The following DROSHA variants were observed in gnomAD, a reference collection of about 807,000 sequenced individuals.
The protein encoded by DROSHA is ribonuclease 3.
A neutral mutation model predicts 181.9 loss-of-function variants in DROSHA; 56 were observed. That is an observed-to-expected ratio of 0.31 (90% CI 0.25 to 0.38). The LOEUF (loss-of-function observed/expected upper bound fraction) is 0.38, where lower values mean the gene tolerates loss of function less well. DROSHA is among the 10% of genes least tolerant of loss of function. The pLI, the probability that DROSHA is intolerant of heterozygous loss-of-function variation, is 1.00. For synonymous variants in DROSHA, 524 were observed against 591.2 expected, an observed-to-expected ratio of 0.89 and a Z score of 1.65; for missense variants, 1,218 against 1,743.5, an observed-to-expected ratio of 0.70 and a Z score of 5.37.
rs141362892 is a variant in DROSHA at position 31,486,335 on chromosome 5, G to C, written c.1914+156C>G. Among the ~76,000 whole-genome samples the C allele has an allele frequency of 6.6e-3, 1,012 of 152,302 alleles. 7 individuals are homozygous for C. Among genetic ancestry groups the C allele is most frequent in the Non-Finnish European group, 0.011 (716 of 68,018 alleles). On this transcript the variant is annotated intron_variant, in intron 14 of 35. Transcript: ENST00000344624. ...GGCCTGAATTTTAACCTTGATACTA[G>C]AGCTACATTTCACTGACTCTTTCAA...
rs186506672 is a variant in DROSHA, at chr5:31,463,068, A to G, written c.2574+1168T>C. On this transcript the variant is annotated intron_variant, in intron 20 of 35. Coordinates refer to ENST00000344624, the MANE Select transcript of DROSHA (RefSeq NM_001382508.1). The stretch of plus-strand genomic sequence containing the variant: ...ACATTGGTTTTGGGGAAACACTGAC[A>G]AACAGAAAAACCAGGTGATACGGCT... Among the ~76,000 whole-genome samples the G allele has an allele frequency of 3.1e-4, 47 of 152,262 alleles. 1 individual carries two copies. The East Asian group carries it at 9.1e-3, about 29-fold the overall frequency.
chr5:31,489,898 CGCG>C, intron 13 of DROSHA, among the ~76,000 whole-genome samples: 1 of 5,244 alleles, frequency 1.9e-4, no homozygotes, highest in Admixed American at 5.3e-3. Context: ...CTTTTTTTGA[CGCG>C]GAGTTTCGCT....
At chr5:31,531,405 T>A (rs1474791058) in intron 2 of DROSHA, 45 bp downstream of exon 2, 1 of 152,124 alleles carries the variant, frequency 6.6e-6, no homozygotes, top group African/African-American at 2.4e-5. Flanking sequence ...TCCGGCTGTG[T>A]TGTGGATGCA....
chr5:31,516,062 C>T (rs1407416635), intron 6 of DROSHA, among the ~76,000 whole-genome samples: 1 of 152,068 alleles, frequency 6.6e-6, no homozygotes. Context: ...TCCAGACCAG[C>T]CTGGGTAACA....
intron 11 of DROSHA, among the ~76,000 whole-genome samples, chr5:31,496,617 T>C (rs1753010089): frequency 6.6e-6 from 1 of 152,156 alleles, no homozygotes; most frequent in Non-Finnish European, 1.5e-5. Context: ...TGAGGTGTGC[T>C]ATTCTCCAAG....
chr5:31,515,434 C>T lies in DROSHA; in HGVS notation c.1058+20G>A, dbSNP rs1341321414. ...TGTTTAAAAATACAAATTCCCAGGC[C>T]CCACCCCAGATCTACTTACTGATTC... On this transcript the variant is annotated intron_variant, in intron 7 of 35. Coordinates refer to ENST00000344624, the MANE Select transcript of DROSHA (RefSeq NM_001382508.1). The T allele has an allele frequency of 8.5e-7, 1 of 1,174,102 alleles. No individual in the cohort carries two copies. Among genetic ancestry groups the T allele is most frequent in the East Asian group, 2.5e-5 (1 of 39,242 alleles). The allele number at this position is 1,174,102 out of a possible 1,614,324, so 72.7% of individuals were successfully genotyped here. A position where few individuals can be genotyped will look rare whatever the true frequency, so the allele number is the denominator to read the frequency against.
At chr5:31,454,434 C>A (rs1393280455) in intron 20 of DROSHA, among the ~76,000 whole-genome samples, 1 of 152,168 alleles carries the variant, frequency 6.6e-6, no homozygotes, top group Non-Finnish European at 1.5e-5. Flanking sequence ...CATATTATTT[C>A]TTTTATCACT....
chr5:31,474,125 G>A (rs982040410), intron 16 of DROSHA, among the ~76,000 whole-genome samples: 7 of 152,124 alleles, frequency 4.6e-5, no homozygotes, highest in Non-Finnish European at 7.4e-5. Flanking sequence ...TTTAATCAAA[G>A]TTCTAAAGAC....
intron 11 of DROSHA, among the ~76,000 whole-genome samples, chr5:31,501,782 A>C (rs1197103698): frequency 6.6e-6 from 1 of 152,202 alleles, no homozygotes; most frequent in Non-Finnish European, 1.5e-5. Flanking sequence ...TGGTTCACAG[A>C]CATTTATAGT....
chr5:31,459,731 T>TAATG, intron 20 of DROSHA, among the ~76,000 whole-genome samples: 1 of 152,216 alleles, frequency 6.6e-6, no homozygotes, highest in East Asian at 1.9e-4. Context: ...GATAGTTTGA[T>TAATG]AATGCATGGC....
chr5:31,422,113 GAA>G (rs1329808533), intron 29 of DROSHA, among the ~76,000 whole-genome samples: 8 of 146,588 alleles, frequency 5.5e-5, no homozygotes, highest in African/African-American at 2.0e-4. Context: ...AAGAAAGAAA[GAA>G]AAAGAAAAAG....
At chr5:31,469,606 C>T (rs538773530) in intron 17 of DROSHA, among the ~76,000 whole-genome samples, 3 of 152,238 alleles carry the variant, frequency 2.0e-5, no homozygotes, top group South Asian at 4.1e-4. Context: ...TTTTAGAATG[C>T]GAACTGTGGA....
intron 23 of DROSHA, among the ~76,000 whole-genome samples, chr5:31,442,199 T>G (rs185256577): frequency 6.6e-6 from 1 of 152,250 alleles, no homozygotes; most frequent in Non-Finnish European, 1.5e-5. Context: ...CTGCCATTTA[T>G]TAAATAATTT....
intron 16 of DROSHA, among the ~76,000 whole-genome samples, chr5:31,478,415 G>C (rs1750652382): frequency 1.3e-5 from 2 of 152,258 alleles, no homozygotes; most frequent in Admixed American, 1.3e-4. Context: ...CTGTGGGTTG[G>C]ACAAGCTTGG....
chr5:31,431,366 C>CAAAAAAAAAAAAAAAAAAAAAAAA (rs58316191), intron 26 of DROSHA, among the ~76,000 whole-genome samples: 1 of 57,648 alleles, frequency 1.7e-5, no homozygotes. Flanking sequence ...CAGTAGAATG[C>CAAAAAAAAAAAAAAAAAAAAAAAA]AAAAAAAAAA....
intron 23 of DROSHA, 146 bp from the exon 24 acceptor site, chr5:31,437,444 C>CCA: frequency 1.4e-6 from 1 of 718,418 alleles, no homozygotes; most frequent in Middle Eastern, 4.1e-4. Context: ...AGAGCACAGA[C>CCA]CACCATCTTA....
chr5:31,479,995 T>C (rs1181867377), intron 16 of DROSHA, among the ~76,000 whole-genome samples: 1 of 151,702 alleles, frequency 6.6e-6, no homozygotes, highest in Non-Finnish European at 1.5e-5. Context: ...GGCATTTATT[T>C]TTTCTTTGTC....
intron 20 of DROSHA, among the ~76,000 whole-genome samples, chr5:31,452,268 C>T (rs1456615082): frequency 6.6e-6 from 1 of 152,142 alleles, no homozygotes; most frequent in African/African-American, 2.4e-5. Context: ...TTAATGGGTT[C>T]ACAAACCCCT....
At chr5:31,465,978 A>C (rs1277884126) in intron 19 of DROSHA, among the ~76,000 whole-genome samples, 2 of 152,198 alleles carry the variant, frequency 1.3e-5, no homozygotes, top group Non-Finnish European at 2.9e-5. Flanking sequence ...AAACAGACTA[A>C]TACAGGGATA....
Sources: allele counts gnomAD v4.1 joint callset (sites outside exome capture counted in the v4.1 genomes callset), GRCh38; gene constraint gnomAD v4.1.1; transcripts MANE v1.5; gene names NCBI Gene and HGNC (gene_info 2026-07-23, HGNC 2026-07-21).